The following ADGRL3 variants were observed in gnomAD, a reference collection of about 807,000 sequenced individuals.
The protein encoded by ADGRL3 is calcium-independent alpha-latrotoxin receptor 3.
A neutral mutation model predicts 153.5 loss-of-function variants in ADGRL3; 62 were observed. That is an observed-to-expected ratio of 0.40 (90% CI 0.33 to 0.50). The LOEUF (loss-of-function observed/expected upper bound fraction) is 0.50, where lower values mean the gene tolerates loss of function less well. Among genes scored for constraint, ADGRL3 ranks in the 20% least tolerant of loss-of-function variants. ADGRL3 has a pLI of 0.47. For missense variants in ADGRL3, 1,641 were observed against 1,859.4 expected, an observed-to-expected ratio of 0.88 and a Z score of 2.16; for synonymous variants, 710 against 672.5, an observed-to-expected ratio of 1.06 and a Z score of -0.86.
intron 1 of ADGRL3, among the ~76,000 whole-genome samples, chr4:61,275,828 C>T (rs946562444): frequency 1.3e-5 from 2 of 151,990 alleles, no homozygotes; most frequent in Admixed American, 6.6e-5. Context: ...CAGGGGAGAC[C>T]CTGTTGAATC....
chr4:62,018,167 C>A lies in ADGRL3; in HGVS notation c.3396-10688C>A, dbSNP rs192614359. On this transcript the variant is annotated intron_variant, in intron 21 of 26. Transcript: ENST00000683033. ...ATGACACACTTTAACCTGGTAGGTGCTAGATCTTAATAGACATCCCAAAGG... is the reference window on the plus strand; with the variant it reads ...ATGACACACTTTAACCTGGTAGGTGATAGATCTTAATAGACATCCCAAAGG... 1.7e-3 allele frequency among the ~76,000 whole-genome samples: 260 copies of A among 152,172 alleles called. 9 individuals are homozygous for A. The highest frequency in any genetic ancestry group is 0.017 in the Admixed American group (255 of 15,272).
At position 62,071,390 on chromosome 4, in the gene ADGRL3, C is replaced by T. The variant is rs571958195; in HGVS notation, c.*482C>T. On this transcript the variant is annotated 3_prime_UTR_variant, in exon 27 of 27. Coordinates refer to ENST00000683033, the MANE Select transcript of ADGRL3 (RefSeq NM_001387552.1). Reference sequence around the variant, plus strand: ...ATCACATAGGGTTTTTGGTCACTCACAACCTGAATTCACCACAGCTGGAAT... The same window carrying T: ...ATCACATAGGGTTTTTGGTCACTCATAACCTGAATTCACCACAGCTGGAAT... 27 of 167,982 alleles carry T rather than the reference C, an allele frequency of 1.6e-4. No homozygotes were observed. The highest frequency in any genetic ancestry group is 1.1e-3 in the South Asian group (7 of 6,548). 10.4% of individuals were successfully genotyped at this position (167,982 alleles called of 1,614,324 possible).
chr4:61,441,519 CTTT>C (rs141891357), intron 2 of ADGRL3, among the ~76,000 whole-genome samples: 140 of 144,172 alleles, frequency 9.7e-4, no homozygotes, highest in East Asian at 1.4e-3. Flanking sequence ...CCCTCTCACT[CTTT>C]TTTTTTTTTT....
At chr4:61,901,305 G>C (rs771583516) in intron 11 of ADGRL3, among the ~76,000 whole-genome samples, 15 of 152,132 alleles carry the variant, frequency 9.9e-5, no homozygotes, top group South Asian at 2.1e-4. Context: ...TCTAAAGAAG[G>C]ATGTGAAAAT....
chr4:62,045,227 CTT>C (rs1333500244), intron 25 of ADGRL3, among the ~76,000 whole-genome samples: 2 of 151,660 alleles, frequency 1.3e-5, no homozygotes, highest in Non-Finnish European at 2.9e-5. Context: ...CTCTGTCTCT[CTT>C]TCTCTTTCTC....
chr4:61,721,654 C>T (rs1031066429), intron 6 of ADGRL3, among the ~76,000 whole-genome samples: 2 of 152,288 alleles, frequency 1.3e-5, no homozygotes, highest in South Asian at 2.1e-4. Context: ...CAAGTTGACA[C>T]TCAGTGCTAA....
At chr4:62,007,326 T>C (rs1408402076) in intron 21 of ADGRL3, among the ~76,000 whole-genome samples, 6 of 125,996 alleles carry the variant, frequency 4.8e-5, no homozygotes, top group Admixed American at 1.8e-4. Context: ...TCTCAACATT[T>C]GCAGAGCTCA....
intron 8 of ADGRL3, among the ~76,000 whole-genome samples, chr4:61,780,442 A>G (rs143114161): frequency 6.6e-6 from 1 of 152,328 alleles, no homozygotes; most frequent in East Asian, 1.9e-4. Flanking sequence ...ACCTGTTAGT[A>G]TAGGTTAAAG....
intron 2 of ADGRL3, among the ~76,000 whole-genome samples, chr4:61,417,138 G>A (rs1304325874): frequency 4.6e-5 from 7 of 152,194 alleles, no homozygotes; most frequent in Admixed American, 3.9e-4. Flanking sequence ...CTGTGCATCC[G>A]GGTTCCTAAC....
intron 6 of ADGRL3, among the ~76,000 whole-genome samples, chr4:61,718,624 C>T (rs999195379): frequency 6.6e-6 from 1 of 152,148 alleles, no homozygotes. Flanking sequence ...AGTTTCAACT[C>T]TAATCAGTTT....
intron 5 of ADGRL3, among the ~76,000 whole-genome samples, chr4:61,590,082 C>T (rs1326418615): frequency 6.6e-6 from 1 of 152,048 alleles, no homozygotes; most frequent in East Asian, 1.9e-4. Flanking sequence ...AACATCACAA[C>T]AGATTTATTT....
At chr4:61,905,966 T>G (rs1333941521) in intron 11 of ADGRL3, among the ~76,000 whole-genome samples, 1 of 151,936 alleles carries the variant, frequency 6.6e-6, no homozygotes, top group Non-Finnish European at 1.5e-5. Context: ...ATATTTTTCA[T>G]GTAAAATTTT....
intron 21 of ADGRL3, among the ~76,000 whole-genome samples, chr4:62,007,027 G>A (rs1419427045): frequency 6.6e-6 from 1 of 151,982 alleles, no homozygotes; most frequent in Non-Finnish European, 1.5e-5. Flanking sequence ...TCCTCAGAAT[G>A]CTGGCTGTTG....
chr4:61,858,869 A>T (rs1485633736), intron 9 of ADGRL3, among the ~76,000 whole-genome samples: 1 of 152,148 alleles, frequency 6.6e-6, no homozygotes, highest in African/African-American at 2.4e-5. Context: ...TGTTATTTAC[A>T]TATAGAGAAA....
At chr4:61,519,982 T>A (rs2098520182) in intron 4 of ADGRL3, among the ~76,000 whole-genome samples, 1 of 152,222 alleles carries the variant, frequency 6.6e-6, no homozygotes, top group Non-Finnish European at 1.5e-5. Context: ...AGGAATCCAA[T>A]GAAAGCAGCC....
chr4:61,966,738 C>G (rs2099008336), intron 17 of ADGRL3, among the ~76,000 whole-genome samples: 1 of 152,134 alleles, frequency 6.6e-6, no homozygotes, highest in Non-Finnish European at 1.5e-5. Context: ...ATAGTCAAGA[C>G]ATTTTTACCC....
At chr4:61,890,488 T>C (rs1225094037) in intron 9 of ADGRL3, among the ~76,000 whole-genome samples, 4 of 130,856 alleles carry the variant, frequency 3.1e-5, no homozygotes, top group Admixed American at 8.5e-5. Flanking sequence ...CATCATCCCA[T>C]GGCAGAAGGC....
At chr4:61,788,907 C>T (rs1396538679) in intron 8 of ADGRL3, among the ~76,000 whole-genome samples, 1 of 152,022 alleles carries the variant, frequency 6.6e-6, no homozygotes, top group African/African-American at 2.4e-5. Context: ...TAAAAATAAC[C>T]TATTTGTTTT....
At chr4:61,752,523 T>C (rs974241492) in intron 8 of ADGRL3, among the ~76,000 whole-genome samples, 9 of 152,228 alleles carry the variant, frequency 5.9e-5, no homozygotes, top group Admixed American at 2.0e-4. Context: ...GAGATAAGAA[T>C]GCTCCTTTCC....
Sources: allele counts gnomAD v4.1 joint callset (sites outside exome capture counted in the v4.1 genomes callset), GRCh38; gene constraint gnomAD v4.1.1; transcripts MANE v1.5; gene names NCBI Gene and HGNC (gene_info 2026-07-23, HGNC 2026-07-21).